The following MTMR2 variants were observed in gnomAD, a reference collection of about 807,000 sequenced individuals.
MTMR2 encodes phosphatidylinositol-3,5-bisphosphate 3-phosphatase MTMR2.
A neutral mutation model predicts 86.9 loss-of-function variants in MTMR2; 55 were observed. The ratio of observed to expected loss-of-function variants is 0.63; its 90% confidence interval spans 0.51 to 0.79. The LOEUF (loss-of-function observed/expected upper bound fraction) is 0.79. Among genes scored for constraint, MTMR2 ranks in the 30% least tolerant of loss-of-function variants. The pLI, the probability that MTMR2 is intolerant of heterozygous loss-of-function variation, is 0.00. For synonymous variants in MTMR2, 241 were observed against 266.8 expected, an observed-to-expected ratio of 0.90 and a Z score of 0.94; for missense variants, 659 against 772.3, an observed-to-expected ratio of 0.85 and a Z score of 1.74.
At chr11:95,913,778 A>G (rs1591050969) in intron 1 of MTMR2, among the ~76,000 whole-genome samples, 1 of 152,008 alleles carries the variant, frequency 6.6e-6, no homozygotes, top group East Asian at 1.9e-4. Flanking sequence ...GAAAGAATAG[A>G]GAAAGAGGGG....
intron 7 of MTMR2, among the ~76,000 whole-genome samples, chr11:95,856,955 T>C (rs1231781165): frequency 6.6e-6 from 1 of 152,188 alleles, no homozygotes; most frequent in Non-Finnish European, 1.5e-5. Context: ...TTTTGTATTC[T>C]ATTTCATATT....
intron 2 of MTMR2, among the ~76,000 whole-genome samples, chr11:95,885,733 A>C (rs1308081850): frequency 6.6e-6 from 1 of 151,894 alleles, no homozygotes; most frequent in African/African-American, 2.4e-5. Flanking sequence ...CTACTCCTTA[A>C]GTGTGGGCTG....
chr11:95,845,114 C>T lies in MTMR2; in HGVS notation c.1225G>A (p.Gly409Arg). The T allele has an allele frequency of 6.2e-7, 1 of 1,613,956 alleles. No homozygotes were observed. The highest frequency in any genetic ancestry group is 8.5e-7 in the Non-Finnish European group (1 of 1,179,878). ...ALRIADKVES[G>R]KTSVVVHCSD... ...CAATGCACTACCACAGACGTCTTCC[C>T]TGACTCTACCTTGTCAGCAATCCTA... The change falls in exon 11 of 15, where the codon GGG (glycine) becomes AGG (arginine). Residue 409 changes from glycine (G) to arginine (R), a missense_variant. By Grantham distance (125) the Gly-to-Arg change is moderately radical. This residue lies in a region of MTMR2 where 387 missense variants were observed against 526.3 expected (regional missense o/e 0.74). Transcript: ENST00000346299.
Position 95,833,949 on chromosome 11 carries a change from A to ATATT in MTMR2, c.*1337_*1340dup, listed in dbSNP as rs1863137599. ...GAATTAGTGAGTGGAAAAACACTGTATATTTTAATTGTTTGATTTGGGTGT... is the reference window on the plus strand; with the variant it reads ...GAATTAGTGAGTGGAAAAACACTGTATATTTATTTTAATTGTTTGATTTGGGTGT... On this transcript the variant is annotated 3_prime_UTR_variant, in exon 15 of 15. Coordinates refer to ENST00000346299, the MANE Select transcript of MTMR2 (RefSeq NM_016156.6). The ATATT allele has an allele frequency of 1.3e-5, 2 of 151,962 alleles. No homozygotes were observed. The highest frequency in any genetic ancestry group is 1.5e-5 in the Non-Finnish European group (1 of 67,862). 9.4% of individuals were successfully genotyped at this position (151,962 alleles called of 1,614,324 possible). A position where few individuals can be genotyped will look rare whatever the true frequency, so the allele number is the denominator to read the frequency against.
intron 1 of MTMR2, among the ~76,000 whole-genome samples, chr11:95,903,164 T>G (rs988342270): frequency 6.6e-6 from 1 of 152,170 alleles, no homozygotes; most frequent in Non-Finnish European, 1.5e-5. Flanking sequence ...GCATTACCAA[T>G]TAACTGCAAT....
intron 7 of MTMR2, among the ~76,000 whole-genome samples, chr11:95,851,741 G>A (rs560854): frequency 0.28 from 42,573 of 152,108 alleles, 7,094 homozygotes; most frequent in Non-Finnish European, 0.38. Context: ...CACAGCTATC[G>A]CTTACATACG....
intron 2 of MTMR2, among the ~76,000 whole-genome samples, chr11:95,875,251 G>T (rs1245943387): frequency 5.3e-5 from 8 of 151,822 alleles, no homozygotes; most frequent in Admixed American, 5.3e-4. Context: ...CATAGATTTG[G>T]TCTTTTCACA....
chr11:95,853,086 G>T (rs547265919), intron 7 of MTMR2, among the ~76,000 whole-genome samples: 1 of 147,962 alleles, frequency 6.8e-6, no homozygotes, highest in South Asian at 2.1e-4. Flanking sequence ...TTTTATTATA[G>T]CACGTGAAAA....
chr11:95,841,310 C>G (rs185133649), intron 12 of MTMR2, among the ~76,000 whole-genome samples: 1 of 151,912 alleles, frequency 6.6e-6, no homozygotes, highest in East Asian at 1.9e-4. Flanking sequence ...TATTTTTTCT[C>G]CACTCTTAGC....
rs933898669 is a variant in MTMR2 at position 95,854,743 on chromosome 11, G to C, written c.654+2809C>G. ...GGCTTCTCAAAGTGCTGGGGTCACA[G>C]GTGTGAACCACTGTACTGGACTGCT... On this transcript the variant is annotated intron_variant, in intron 7 of 14. Coordinates refer to ENST00000346299, the MANE Select transcript of MTMR2 (RefSeq NM_016156.6). Among the ~76,000 whole-genome samples, 8 of 151,882 alleles carry C rather than the reference G, an allele frequency of 5.3e-5. No homozygotes were observed. In the East Asian group the frequency reaches 1.4e-3, roughly 26 times the overall value.
At position 95,841,693 on chromosome 11, in the gene MTMR2, T is replaced by C. The variant is rs554424343; in HGVS notation, c.1403A>G (p.Asp468Gly). The C allele has an allele frequency of 3.1e-6, 5 of 1,613,208 alleles. No individual in the cohort carries two copies. In the South Asian group the frequency reaches 3.3e-5, roughly 11 times the overall value. The part of the protein sequence containing the change: ...HRFQLRVGHG[D>G]KNHADADRSP... Reference sequence around the variant, plus strand: ...TCTGTCTGCATCTGCATGGTTCTTATCTCCATGGCCAACTCTCTGAAGCAA... The same window carrying C: ...TCTGTCTGCATCTGCATGGTTCTTACCTCCATGGCCAACTCTCTGAAGCAA... Residue 468 changes from aspartate (D) to glycine (G), a missense_variant, in exon 12 of 15, where the codon GAT becomes GGT. Physicochemically the swap from Asp to Gly is moderately conservative, Grantham distance 94 (BLOSUM62 -1). Coordinates refer to ENST00000346299, the MANE Select transcript of MTMR2 (RefSeq NM_016156.6).
intron 12 of MTMR2, chr11:95,840,049 G>A (rs1863474417): frequency 6.6e-6 from 1 of 152,108 alleles, no homozygotes. Flanking sequence ...TCCCATCCAA[G>A]TGCTAACAAG....
intron 12 of MTMR2, among the ~76,000 whole-genome samples, chr11:95,840,735 G>C (rs1277161387): frequency 6.6e-6 from 1 of 152,012 alleles, no homozygotes; most frequent in Non-Finnish European, 1.5e-5. Context: ...TAATTTTCTT[G>C]TATTGAAATA....
chr11:95,888,459 G>C (rs760790944), intron 1 of MTMR2, among the ~76,000 whole-genome samples, 198 bp from the exon 2 acceptor site: 1 of 152,122 alleles, frequency 6.6e-6, no homozygotes, highest in African/African-American at 2.4e-5. Flanking sequence ...TATGATCCAA[G>C]TTCCCTCTGG....
intron 1 of MTMR2, among the ~76,000 whole-genome samples, chr11:95,911,366 GTC>G (rs1173792182): frequency 1.5e-4 from 23 of 152,254 alleles, no homozygotes; most frequent in African/African-American, 5.3e-4. Context: ...ATTTACATAT[GTC>G]TGTTTTTTCT....
intron 1 of MTMR2, among the ~76,000 whole-genome samples, chr11:95,919,841 G>A (rs150253689): frequency 3.9e-5 from 6 of 152,170 alleles, no homozygotes; most frequent in African/African-American, 1.4e-4. Context: ...TGTTCACTCA[G>A]CACCTATTCG....
At chr11:95,908,138 C>T (rs889158621) in intron 1 of MTMR2, among the ~76,000 whole-genome samples, 1 of 152,040 alleles carries the variant, frequency 6.6e-6, no homozygotes, top group African/African-American at 2.4e-5. Context: ...TAAACAACTT[C>T]AGCAAAGTTT....
Position 95,867,007 on chromosome 11 carries a change from T to C in MTMR2, c.187-1331A>G, listed in dbSNP as rs1322011324. Among the ~76,000 whole-genome samples, 3 of 152,124 alleles carry C rather than the reference T, an allele frequency of 2.0e-5. No homozygotes were observed. In the East Asian group the frequency reaches 5.8e-4, roughly 29 times the overall value. ...TATCAGTGTTAACACATAAGATGTA[T>C]GTAATAAGTGTTGTCTACTGTTAAT... On this transcript the variant is annotated intron_variant, in intron 2 of 14. Coordinates refer to ENST00000346299, the MANE Select transcript of MTMR2 (RefSeq NM_016156.6).
At chr11:95,876,651 CAA>C (rs1365131608) in intron 2 of MTMR2, among the ~76,000 whole-genome samples, 4 of 152,264 alleles carry the variant, frequency 2.6e-5, no homozygotes, top group Admixed American at 6.5e-5. Flanking sequence ...TCAAAACACA[CAA>C]GATTCAAATT....
Sources: allele counts gnomAD v4.1 joint callset (sites outside exome capture counted in the v4.1 genomes callset), GRCh38; gene constraint gnomAD v4.1.1; regional missense constraint gnomAD v4.1.1; transcripts MANE v1.5; gene names NCBI Gene and HGNC (gene_info 2026-07-23, HGNC 2026-07-21).